DAP: variants seen among roughly 807,000 people sequenced by gnomAD.
The protein encoded by DAP is death associated protein.
A neutral mutation model predicts 13.8 loss-of-function variants in DAP; 8 were observed. That is an observed-to-expected ratio of 0.58 (90% CI 0.34 to 1.05). The LOEUF (loss-of-function observed/expected upper bound fraction) is 1.05. Among genes scored for constraint, DAP ranks in the 50% least tolerant of loss-of-function variants. The pLI, the probability that DAP is intolerant of heterozygous loss-of-function variation, is 0.03. For missense variants in DAP, 106 were observed against 133.2 expected (o/e 0.80, Z 1.01); for synonymous variants, 47 against 47.5 (o/e 0.99, Z 0.04).
chr5:10,679,443 C>T lies in DAP; in HGVS notation c.*1613G>A, dbSNP rs1737924619. The T allele has an allele frequency of 6.6e-6, 1 of 152,384 alleles. No individual in the cohort carries two copies. The highest frequency in any genetic ancestry group is 2.4e-5 in the African/African-American group (1 of 41,468). 9.4% of individuals were successfully genotyped at this position (152,384 alleles called of 1,614,324 possible). A position where few individuals can be genotyped will look rare whatever the true frequency, so the allele number is the denominator to read the frequency against. ...AAGCATTAAGGATGCTTCTGGATTT[C>T]TGCAGCGGCAGGGCAGGGGTCTGCA... On this transcript the variant is annotated 3_prime_UTR_variant, in exon 4 of 4. Transcript: ENST00000230895.
At chr5:10,706,210 G>A (rs749752253) in intron 2 of DAP, among the ~76,000 whole-genome samples, 8 of 152,280 alleles carry the variant, frequency 5.3e-5, no homozygotes, top group East Asian at 1.9e-4. Flanking sequence ...AAATGATGGC[G>A]ATACATCAAC....
Position 10,680,874 on chromosome 5 carries a change from G to C in DAP, c.*182C>G, listed in dbSNP as rs1298530469. The C allele has an allele frequency of 6.5e-7, 1 of 1,537,012 alleles. No individual in the cohort carries two copies. On this transcript the variant is annotated 3_prime_UTR_variant, in exon 4 of 4. Transcript: ENST00000230895. ...ATCCAACCAGACTCCCCATAAACAA[G>C]GTTTGGGCTGGAGCTGTTTCTAGTT... is the stretch of plus-strand genomic sequence containing the variant.
chr5:10,715,654 C>T (rs1463079852), intron 2 of DAP, among the ~76,000 whole-genome samples: 2 of 152,156 alleles, frequency 1.3e-5, no homozygotes, highest in Non-Finnish European at 2.9e-5. Context: ...GAAGAATTAA[C>T]GCAGTTGTTA....
intron 2 of DAP, among the ~76,000 whole-genome samples, chr5:10,719,706 G>A (rs1436662262): frequency 2.0e-5 from 3 of 152,178 alleles, no homozygotes; most frequent in Admixed American, 1.3e-4. Context: ...GCTTGAGCAC[G>A]TCCTGAAGGC....
At chr5:10,693,593 G>C (rs1738362342) in intron 2 of DAP, among the ~76,000 whole-genome samples, 1 of 152,200 alleles carries the variant, frequency 6.6e-6, no homozygotes, top group Non-Finnish European at 1.5e-5. Flanking sequence ...AAATCAGAAA[G>C]GACCAGTCAT....
intron 2 of DAP, among the ~76,000 whole-genome samples, chr5:10,736,472 G>A (rs1468082672): frequency 6.6e-6 from 1 of 152,198 alleles, no homozygotes; most frequent in Non-Finnish European, 1.5e-5. Context: ...AGCCTCGCTT[G>A]CACAGATGTC....
chr5:10,694,258 G>A (rs978917338), intron 2 of DAP, among the ~76,000 whole-genome samples: 1 of 152,134 alleles, frequency 6.6e-6, no homozygotes, highest in African/African-American at 2.4e-5. Context: ...GATGATCCGG[G>A]TTCAAATCCT....
chr5:10,703,083 GCTGGGAAACAGC>G (rs1738620837), intron 2 of DAP, among the ~76,000 whole-genome samples: 2 of 152,180 alleles, frequency 1.3e-5, no homozygotes, highest in South Asian at 4.1e-4. Flanking sequence ...GCAAGTGAAT[GCTGGGAAACAGC>G]CTGTTTCTGT....
intron 1 of DAP, among the ~76,000 whole-genome samples, chr5:10,751,202 C>T (rs1287114466): frequency 6.6e-6 from 1 of 152,180 alleles, no homozygotes; most frequent in Non-Finnish European, 1.5e-5. Context: ...TCAGTTCCTT[C>T]TTCGTTTTGG....
chr5:10,720,636 T>C (rs1338453462), intron 2 of DAP, among the ~76,000 whole-genome samples: 1 of 152,194 alleles, frequency 6.6e-6, no homozygotes, highest in Non-Finnish European at 1.5e-5. Flanking sequence ...CTCAGCAACA[T>C]GGACTTCCAT....
chr5:10,726,955 C>T (rs1739301659), intron 2 of DAP, among the ~76,000 whole-genome samples: 4 of 152,142 alleles, frequency 2.6e-5, no homozygotes, highest in South Asian at 2.1e-4. Flanking sequence ...AATTAGGGAA[C>T]GCTGACCTTG....
chr5:10,713,571 CCT>C (rs1188098668), intron 2 of DAP, among the ~76,000 whole-genome samples: 25 of 152,322 alleles, frequency 1.6e-4, no homozygotes, highest in African/African-American at 5.1e-4. Flanking sequence ...AAGAAGCCCC[CCT>C]GAGAGCTGAA....
chr5:10,754,895 C>T (rs997169546), intron 1 of DAP, among the ~76,000 whole-genome samples: 5 of 152,260 alleles, frequency 3.3e-5, no homozygotes, highest in Non-Finnish European at 5.9e-5. Flanking sequence ...CTTTGGTGGG[C>T]AGCATCATGT....
intron 2 of DAP, among the ~76,000 whole-genome samples, chr5:10,694,387 T>TAC (rs3836779): frequency 0.26 from 39,345 of 149,132 alleles, 5,347 homozygotes; most frequent in Middle Eastern, 0.36. Flanking sequence ...TATATGTGCA[T>TAC]ACACACACAC....
intron 2 of DAP, among the ~76,000 whole-genome samples, chr5:10,710,117 AT>A (rs998046689): frequency 7.9e-5 from 12 of 152,128 alleles, no homozygotes; most frequent in African/African-American, 2.7e-4. Context: ...ACAGGGAAAA[AT>A]CACTTCCTCA....
chr5:10,745,991 G>A (rs960077252), intron 2 of DAP, among the ~76,000 whole-genome samples: 1 of 152,188 alleles, frequency 6.6e-6, no homozygotes, highest in Non-Finnish European at 1.5e-5. Context: ...AACTTAACCT[G>A]AAGTGACACT....
chr5:10,700,673 C>T (rs1222610968), intron 2 of DAP, among the ~76,000 whole-genome samples: 1 of 152,164 alleles, frequency 6.6e-6, no homozygotes, highest in Admixed American at 6.5e-5. Context: ...GAGCAACCAC[C>T]CAGTGCCTGC....
intron 2 of DAP, among the ~76,000 whole-genome samples, chr5:10,723,852 C>T (rs1739218499): frequency 6.6e-6 from 1 of 152,160 alleles, no homozygotes; most frequent in African/African-American, 2.4e-5. Flanking sequence ...TGACAGAGCT[C>T]CTAAGGATAC....
At chr5:10,687,903 G>GTTTTT (rs1738195695) in intron 2 of DAP, among the ~76,000 whole-genome samples, 2 of 123,574 alleles carry the variant, frequency 1.6e-5, no homozygotes, top group African/African-American at 7.3e-5. Flanking sequence ...CTTCATTGTT[G>GTTTTT]TCTTTTTTTT....
Sources: allele counts gnomAD v4.1 joint callset (sites outside exome capture counted in the v4.1 genomes callset), GRCh38; gene constraint gnomAD v4.1.1; transcripts MANE v1.5; gene names NCBI Gene and HGNC (gene_info 2026-07-23, HGNC 2026-07-21).